The following ADAT3 variants were observed in gnomAD, a reference collection of about 807,000 sequenced individuals.
ADAT3 encodes the protein adenosine deaminase tRNA specific 3, also known as tRNA-specific adenosine-34 deaminase regulatory subunit ADAT3.
A neutral mutation model predicts 3.5 loss-of-function variants in ADAT3; 2 were observed. The observed-to-expected ratio is 0.57, with a 90% CI of 0.23 to 1.79. The LOEUF is 1.79. Among genes scored for constraint, ADAT3 ranks in the 40% most tolerant of loss-of-function variants. The pLI is 0.18. For synonymous variants in ADAT3, 358 were observed against 270.3 expected, an observed-to-expected ratio of 1.32 and a Z score of -3.18; for missense variants, 735 against 571.4, an observed-to-expected ratio of 1.29 and a Z score of -2.92.
rs1445300046 is a variant in ADAT3 at position 1,912,031 on chromosome 19, C to T, written c.-17C>T. 4.2e-6 allele frequency: 6 copies of T among 1,415,978 alleles called. 1 individual carries two copies. The South Asian group carries it at 4.6e-5, about 11-fold the overall frequency. 87.7% of individuals were successfully genotyped at this position (1,415,978 alleles called of 1,614,324 possible). A position where few individuals can be genotyped will look rare whatever the true frequency, so the allele number is the denominator to read the frequency against. On this transcript the variant is annotated 5_prime_UTR_variant, in exon 2 of 2. Transcript: ENST00000329478. ...GACGGACTCCCCGGCTCTCCCCCAG[C>T]CGCCCGCAGCCGCCGGATGATCCTC...
Position 1,912,213 on chromosome 19 carries a change from G to C in ADAT3, c.166G>C (p.Val56Leu). The C allele has an allele frequency of 1.3e-6, 2 of 1,592,204 alleles. No individual in the cohort carries two copies. Among genetic ancestry groups the C allele is most frequent in the Non-Finnish European group, 1.7e-6 (2 of 1,172,620 alleles). Residue 56 changes from valine to leucine, a missense_variant, in exon 2 of 2, where the codon GTG becomes CTG. By Grantham distance (32) the Val-to-Leu change is conservative (BLOSUM62 1). Coordinates refer to ENST00000329478, the MANE Select transcript of ADAT3 (RefSeq NM_138422.4). ...PVLSEKQSGD[V>L]ELVLAYAAPV... is the part of the protein sequence containing the mutation. ...CCTGTCCGAGAAGCAGTCAGGGGAC[G>C]TGGAGCTGGTGCTGGCCTACGCCGC...
At chr19:1,909,719 G>A (rs1003892055) in intron 1 of ADAT3, among the ~76,000 whole-genome samples, 2 of 152,196 alleles carry the variant, frequency 1.3e-5, no homozygotes, top group Non-Finnish European at 2.9e-5. Context: ...AGCCCCGGGA[G>A]TGATCCCAGC....
In ADAT3 at chr19:1,912,082, C is replaced by T. The variant is rs1383483529; in HGVS notation, c.35C>T (p.Ser12Leu). Reference protein sequence around the residue: ...ILCSRLCLPQSASLRMEPAPG... With the variant: ...ILCSRLCLPQLASLRMEPAPG... ...TGCTCCCGTCTCTGTCTCCCACAGT[C>T]GGCCTCGCTGAGGATGGAGCCCGCC... The change falls in exon 2 of 2, where the codon TCG (serine) becomes TTG (leucine). Residue 12 changes from serine to leucine, a missense_variant. Physicochemically the swap from Ser to Leu is moderately radical, Grantham distance 145. Coordinates refer to ENST00000329478, the MANE Select transcript of ADAT3 (RefSeq NM_138422.4). 11 of 1,458,384 alleles carry T rather than the reference C, an allele frequency of 7.5e-6. No individual in the cohort carries two copies. The highest frequency in any genetic ancestry group is 9.9e-6 in the Non-Finnish European group (11 of 1,110,098). The allele number at this position is 1,458,384 out of a possible 1,614,324, so 90.3% of individuals were successfully genotyped here. A position where few individuals can be genotyped will look rare whatever the true frequency, so the allele number is the denominator to read the frequency against.
In ADAT3 at chr19:1,913,104, C is replaced by T. The variant is rs756961086; in HGVS notation, c.1057C>T (p.Arg353Cys). The change falls in exon 2 of 2, where the codon CGC becomes TGC. Residue 353 changes from arginine (R) to cysteine (C), a missense_variant. Arg to Cys is a radical substitution (Grantham distance 180). Coordinates refer to ENST00000329478, the MANE Select transcript of ADAT3 (RefSeq NM_138422.4). ...CCTCAACCACCGCTTCCAGGTGTTC[C>T]GCGGGGTGCTGGAGGAGCAGTGCCG... ...PDLNHRFQVF[R>C]GVLEEQCRWL... 70 of 1,594,534 alleles carry T rather than the reference C, an allele frequency of 4.4e-5. No homozygotes were observed. The highest frequency in any genetic ancestry group is 1.7e-4 in the Middle Eastern group (1 of 5,998).
At position 1,912,405 on chromosome 19, in the gene ADAT3, C is replaced by G. The variant is rs751225755; in HGVS notation, c.358C>G (p.Arg120Gly). ...LCLAGPASGPRSLAELLPRPA... is the reference protein window; with the variant it reads ...LCLAGPASGPGSLAELLPRPA... ...CCTGGCTGGGCCGGCCTCGGGCCCGCGCTCGCTGGCTGAGCTCCTGCCACG... is the reference window on the plus strand; with the variant it reads ...CCTGGCTGGGCCGGCCTCGGGCCCGGGCTCGCTGGCTGAGCTCCTGCCACG... The change falls in exon 2 of 2, where the codon CGC becomes GGC. Residue 120 changes from arginine (R) to glycine (G), a missense_variant. By Grantham distance (125) the Arg-to-Gly change is moderately radical. Transcript: ENST00000329478. The G allele has an allele frequency of 6.6e-7, 1 of 1,514,936 alleles. No individual in the cohort carries two copies. Among genetic ancestry groups the G allele is most frequent in the Non-Finnish European group, 8.8e-7 (1 of 1,138,832 alleles). The allele number at this position is 1,514,936 out of a possible 1,614,324, so 93.8% of individuals were successfully genotyped here.
Position 1,912,877 on chromosome 19 carries a change from G to A in ADAT3, c.830G>A (p.Arg277His), listed in dbSNP as rs1482019898. 3.1e-6 allele frequency: 5 copies of A among 1,603,888 alleles called. No homozygotes were observed. The highest frequency in any genetic ancestry group is 4.5e-5 in the East Asian group (2 of 44,778). ...CCGGCCGCTGCCCCCCAGGCCGTCC[G>A]CGCAGGCGCCGTGCGTAAACTGGAC... is the stretch of plus-strand genomic sequence containing the variant. ...FAPAAAPQAV[R>H]AGAVRKLDAD... Residue 277 changes from arginine (R) to histidine (H), a missense_variant, in exon 2 of 2, where the codon CGC becomes CAC. Arg to His is a conservative substitution (Grantham distance 29, BLOSUM62 0). Transcript: ENST00000329478.
intron 1 of ADAT3, among the ~76,000 whole-genome samples, chr19:1,910,196 G>A (rs1269537026): frequency 6.6e-6 from 1 of 152,218 alleles, no homozygotes; most frequent in Non-Finnish European, 1.5e-5. Flanking sequence ...TGGAACCCAG[G>A]TGTCAGCCAG....
chr19:1,910,365 C>T (rs546893740), intron 1 of ADAT3, among the ~76,000 whole-genome samples: 100 of 152,314 alleles, frequency 6.6e-4, no homozygotes, highest in Non-Finnish European at 1.2e-3. Flanking sequence ...CGCCTGTCCC[C>T]GCTTCTGCTT....
intron 1 of ADAT3, among the ~76,000 whole-genome samples, chr19:1,909,035 G>A (rs560178566): frequency 6.6e-6 from 1 of 152,072 alleles, no homozygotes; most frequent in South Asian, 2.1e-4. Context: ...AACCTGGGAA[G>A]TGGAGGTTGC....
Position 1,912,900 on chromosome 19 carries a change from G to A in ADAT3, c.853G>A (p.Asp285Asn). 1 of 1,608,424 alleles carries A rather than the reference G, an allele frequency of 6.2e-7. No individual in the cohort carries two copies. The highest frequency in any genetic ancestry group is 2.2e-5 in the East Asian group (1 of 44,824). The change falls in exon 2 of 2, where the codon GAC (aspartate) becomes AAC (asparagine). Residue 285 changes from aspartate (D) to asparagine (N), a missense_variant. Asp to Asn is a conservative substitution (Grantham distance 23, BLOSUM62 1). Coordinates refer to ENST00000329478, the MANE Select transcript of ADAT3 (RefSeq NM_138422.4). ...CCGCGCAGGCGCCGTGCGTAAACTG[G>A]ACGCAGACGAGGACGGCCTCCCCTA... The part of the protein sequence containing the change: ...AVRAGAVRKL[D>N]ADEDGLPYLC...
At position 1,912,866 on chromosome 19, in the gene ADAT3, C is replaced by T; in HGVS notation, c.819C>T (p.Pro273=). The part of the protein sequence containing the change: ...PACSFAPAAA[P]QAVRAGAVRK... ...GCTCCTTCGCCCCGGCCGCTGCCCC[C>T]CAGGCCGTCCGCGCAGGCGCCGTGC... The change falls in exon 2 of 2, where the codon CCC becomes CCT. Residue 273 remains proline, a synonymous_variant. Transcript: ENST00000329478. 1.2e-6 allele frequency: 2 copies of T among 1,600,568 alleles called. No homozygotes were observed. The highest frequency in any genetic ancestry group is 2.2e-5 in the South Asian group (2 of 90,804).
At chr19:1,911,083 G>T (rs2013419199) in intron 1 of ADAT3, among the ~76,000 whole-genome samples, 1 of 152,090 alleles carries the variant, frequency 6.6e-6, no homozygotes, top group Non-Finnish European at 1.5e-5. Context: ...CACCGTGTTA[G>T]CCAGGATGGT....
chr19:1,912,673 G>C lies in ADAT3; in HGVS notation c.626G>C (p.Arg209Pro), dbSNP rs751313469. 107 of 1,437,178 alleles carry C rather than the reference G, an allele frequency of 7.4e-5. 2 individuals are homozygous for C. In the South Asian group the frequency reaches 1.4e-3, roughly 19 times the overall value. 89.0% of individuals were successfully genotyped at this position (1,437,178 alleles called of 1,614,324 possible). The change falls in exon 2 of 2, where the codon CGG (arginine) becomes CCG (proline). Residue 209 changes from arginine (R) to proline (P), a missense_variant. Physicochemically the swap from Arg to Pro is moderately radical, Grantham distance 103. Transcript: ENST00000329478. ...AARRAAARGL[R>P]AVGAVVVDPA... ...CGGCGGGCAGCAGCGCGGGGCTTGC[G>C]GGCCGTGGGGGCCGTGGTAGTGGAC...
chr19:1,912,145 G>T lies in ADAT3; in HGVS notation c.98G>T (p.Gly33Val). 1 of 1,563,098 alleles carries T rather than the reference G, an allele frequency of 6.4e-7. No individual in the cohort carries two copies. Residue 33 changes from glycine to valine, a missense_variant, in exon 2 of 2, where the codon GGG becomes GTG. Gly to Val is a moderately radical substitution (Grantham distance 109). Coordinates refer to ENST00000329478, the MANE Select transcript of ADAT3 (RefSeq NM_138422.4). ...LVEQPKCLEA[G>V]SPEPEPAPWQ... ...GAGCAGCCCAAGTGCTTGGAGGCCGGGAGCCCGGAGCCTGAGCCGGCGCCG... is the reference window on the plus strand; with the variant it reads ...GAGCAGCCCAAGTGCTTGGAGGCCGTGAGCCCGGAGCCTGAGCCGGCGCCG...
chr19:1,912,796 G>A lies in ADAT3; in HGVS notation c.749G>A (p.Arg250His), dbSNP rs1425999578. 1.9e-6 allele frequency: 3 copies of A among 1,574,150 alleles called. No individual in the cohort carries two copies. The highest frequency in any genetic ancestry group is 1.8e-5 in the Admixed American group (1 of 55,758). ...AVMVCVDLVA[R>H]GQGRGTYDFR... ...ATGGTGTGCGTGGACCTCGTGGCGCGCGGCCAGGGCCGCGGCACCTACGAC... is the reference window on the plus strand; with the variant it reads ...ATGGTGTGCGTGGACCTCGTGGCGCACGGCCAGGGCCGCGGCACCTACGAC... Residue 250 changes from arginine (R) to histidine (H), a missense_variant, in exon 2 of 2, where the codon CGC (arginine) becomes CAC (histidine). Physicochemically the swap from Arg to His is conservative, Grantham distance 29. Coordinates refer to ENST00000329478, the MANE Select transcript of ADAT3 (RefSeq NM_138422.4).
chr19:1,912,735 T>A lies in ADAT3; in HGVS notation c.688T>A (p.Cys230Ser), dbSNP rs746157153. The A allele has an allele frequency of 6.5e-7, 1 of 1,536,948 alleles. No homozygotes were observed. Among genetic ancestry groups the A allele is most frequent in the Admixed American group, 1.9e-5 (1 of 51,886 alleles). Residue 230 changes from cysteine (C) to serine (S), a missense_variant, in exon 2 of 2, where the codon TGC (cysteine) becomes AGC (serine). By Grantham distance (112) the Cys-to-Ser change is moderately radical (BLOSUM62 -1). Transcript: ENST00000329478. The stretch of plus-strand genomic sequence containing the variant: ...CCGCGTGCTGGCCACCGGCCACGAC[T>A]GCAGCTGCGCGGACAACCCCCTCCT... ...SDRVLATGHD[C>S]SCADNPLLHA...
In ADAT3 at chr19:1,912,675, G is replaced by A; in HGVS notation, c.628G>A (p.Ala210Thr). 2 of 1,441,520 alleles carry A rather than the reference G, an allele frequency of 1.4e-6. No homozygotes were observed. The highest frequency in any genetic ancestry group is 1.8e-6 in the Non-Finnish European group (2 of 1,107,976). 89.3% of individuals were successfully genotyped at this position (1,441,520 alleles called of 1,614,324 possible). The change falls in exon 2 of 2, where the codon GCC becomes ACC. Residue 210 changes from alanine to threonine, a missense_variant. Coordinates refer to ENST00000329478, the MANE Select transcript of ADAT3 (RefSeq NM_138422.4). ...GCGGGCAGCAGCGCGGGGCTTGCGG[G>A]CCGTGGGGGCCGTGGTAGTGGACCC... is the stretch of plus-strand genomic sequence containing the variant. ...ARRAAARGLR[A>T]VGAVVVDPAS...
At position 1,912,968 on chromosome 19, in the gene ADAT3, C is replaced by T; in HGVS notation, c.921C>T (p.Cys307=). Residue 307 remains cysteine, a synonymous_variant, in exon 2 of 2, where the codon TGC becomes TGT. Coordinates refer to ENST00000329478, the MANE Select transcript of ADAT3 (RefSeq NM_138422.4). ...ACCTGTACGTGACCCGCGAGCCCTG[C>T]GCCATGTGCGCCATGGCCCTGGTGC... The part of the protein sequence containing the change: ...GYDLYVTREP[C]AMCAMALVHA... 3.7e-6 allele frequency: 6 copies of T among 1,609,750 alleles called. No individual in the cohort carries two copies. The highest frequency in any genetic ancestry group is 4.2e-6 in the Non-Finnish European group (5 of 1,179,208).
chr19:1,912,047 G>A lies in ADAT3; in HGVS notation c.-1G>A, dbSNP rs1474669031. On this transcript the variant is annotated 5_prime_UTR_variant, in exon 2 of 2. Coordinates refer to ENST00000329478, the MANE Select transcript of ADAT3 (RefSeq NM_138422.4). Reference sequence around the variant, plus strand: ...CTCCCCCAGCCGCCCGCAGCCGCCGGATGATCCTCTGCTCCCGTCTCTGTC... The same window carrying A: ...CTCCCCCAGCCGCCCGCAGCCGCCGAATGATCCTCTGCTCCCGTCTCTGTC... The A allele has an allele frequency of 6.3e-6, 9 of 1,419,352 alleles. No individual in the cohort carries two copies. Among genetic ancestry groups the A allele is most frequent in the Non-Finnish European group, 8.2e-6 (9 of 1,092,868 alleles). 87.9% of individuals were successfully genotyped at this position (1,419,352 alleles called of 1,614,324 possible).
Sources: allele counts gnomAD v4.1 joint callset (sites outside exome capture counted in the v4.1 genomes callset), GRCh38; gene constraint gnomAD v4.1.1; transcripts MANE v1.5; gene names NCBI Gene and HGNC (gene_info 2026-07-23, HGNC 2026-07-21).